The following TNRC6B variants were observed in gnomAD, a reference collection of about 807,000 sequenced individuals.
The protein encoded by TNRC6B is trinucleotide repeat containing adaptor 6B.
Under a neutral mutation model 203.6 loss-of-function variants are expected in TNRC6B, and 52 were observed. That is an observed-to-expected ratio of 0.26 (90% CI 0.20 to 0.32). The LOEUF is 0.32. TNRC6B is among the 10% of genes least tolerant of loss of function. The pLI is 1.00. For missense variants in TNRC6B, 1,923 were observed against 2,286.2 expected, an observed-to-expected ratio of 0.84 and a Z score of 3.24; for synonymous variants, 838 against 845.7, an observed-to-expected ratio of 0.99 and a Z score of 0.16.
At chr22:40,110,369 T>C (rs2146312419) in intron 1 of TNRC6B, among the ~76,000 whole-genome samples, 2 of 152,350 alleles carry the variant, frequency 1.3e-5, no homozygotes, top group South Asian at 4.1e-4. Context: ...CACAGTGCCA[T>C]GTACTTAGTA....
At chr22:40,206,842 G>A (rs1436804037) in intron 1 of TNRC6B, among the ~76,000 whole-genome samples, 1 of 152,138 alleles carries the variant, frequency 6.6e-6, no homozygotes, top group Admixed American at 6.6e-5. Flanking sequence ...GGAAATAATG[G>A]ACTTTTCGAC....
intron 1 of TNRC6B, among the ~76,000 whole-genome samples, chr22:40,240,238 G>T (rs1016641803): frequency 5.3e-5 from 8 of 152,190 alleles, no homozygotes; most frequent in African/African-American, 1.4e-4. Flanking sequence ...CACCTGAGAG[G>T]TTCTCAAGAG....
At chr22:40,263,965 G>A (rs1361168219) in intron 4 of TNRC6B, among the ~76,000 whole-genome samples, 1 of 152,242 alleles carries the variant, frequency 6.6e-6, no homozygotes, top group African/African-American at 2.4e-5. Flanking sequence ...ACAGCACTGA[G>A]CAAAATGGCT....
intron 6 of TNRC6B, among the ~76,000 whole-genome samples, chr22:40,270,931 C>G (rs570016566): frequency 6.6e-6 from 1 of 152,202 alleles, no homozygotes; most frequent in Non-Finnish European, 1.5e-5. Context: ...TAATTTAAAA[C>G]AAGAGTTCCT....
chr22:40,061,471 C>T (rs1197491183), intron 1 of TNRC6B, among the ~76,000 whole-genome samples: 2 of 151,936 alleles, frequency 1.3e-5, no homozygotes, highest in African/African-American at 4.8e-5. Context: ...GATCCACCTG[C>T]CTCGGCCTTC....
chr22:40,282,319 T>TG (rs1401435190), intron 11 of TNRC6B, among the ~76,000 whole-genome samples: 2 of 152,214 alleles, frequency 1.3e-5, no homozygotes, highest in Non-Finnish European at 2.9e-5. Context: ...TTTTAAAAAA[T>TG]GGATTATACT....
chr22:40,168,749 G>T (rs1284604528), intron 4 of TNRC6B, among the ~76,000 whole-genome samples: 4 of 152,052 alleles, frequency 2.6e-5, no homozygotes, highest in Admixed American at 2.6e-4. Flanking sequence ...GCCATGATTT[G>T]GTAGTACCGA....
At chr22:40,146,687 A>G (rs2068698423) in intron 3 of TNRC6B, among the ~76,000 whole-genome samples, 1 of 151,678 alleles carries the variant, frequency 6.6e-6, no homozygotes, top group Non-Finnish European at 1.5e-5. Context: ...AGCCTCCTGA[A>G]TAACTGGGAT....
At chr22:40,118,238 G>T (rs2068409365) in intron 2 of TNRC6B, among the ~76,000 whole-genome samples, 1 of 152,118 alleles carries the variant, frequency 6.6e-6, no homozygotes, top group African/African-American at 2.4e-5. Flanking sequence ...CACTGCTAAG[G>T]TCAAAATACT....
chr22:40,265,290 G>T lies in TNRC6B; in HGVS notation c.1060G>T (p.Gly354Cys). ...REQQSKMENA[G>C]VNFVVSGREQ... is the part of the protein sequence containing the mutation. ...ACAGCAGTCAAAGATGGAAAATGCG[G>T]GTGTTAATTTTGTTGTCTCTGGCAG... The change falls in exon 5 of 23, where the codon GGT (glycine) becomes TGT (cysteine). Residue 354 changes from glycine (G) to cysteine (C), a missense_variant. Coordinates refer to ENST00000454349, the MANE Select transcript of TNRC6B (RefSeq NM_001162501.2). 1 of 1,613,952 alleles carries T rather than the reference G, an allele frequency of 6.2e-7. No individual in the cohort carries two copies. Among genetic ancestry groups the T allele is most frequent in the Non-Finnish European group, 8.5e-7 (1 of 1,179,888 alleles).
Position 40,264,770 on chromosome 22 carries a change from C to T in TNRC6B, c.540C>T (p.Ser180=). ...GAGCCTCCTCCAACAACGGCACCTC[C>T]CCCAACCCAATTCACATCTGGGACA... The part of the protein sequence containing the change: ...GSGASSNNGT[S]PNPIHIWDKV... The change falls in exon 5 of 23, where the codon TCC becomes TCT. Residue 180 remains serine, a synonymous_variant. Transcript: ENST00000454349. 1 of 1,613,774 alleles carries T rather than the reference C, an allele frequency of 6.2e-7. No individual in the cohort carries two copies. The highest frequency in any genetic ancestry group is 8.5e-7 in the Non-Finnish European group (1 of 1,179,798).
At chr22:40,225,757 AAAAAAAAAAAG>A (rs2069776166) in intron 1 of TNRC6B, among the ~76,000 whole-genome samples, 1 of 151,420 alleles carries the variant, frequency 6.6e-6, no homozygotes, top group African/African-American at 2.4e-5. Flanking sequence ...AAAAAAAAAA[AAAAAAAAAAAG>A]AAGGAGAAGA....
chr22:40,311,237 G>A (rs1197743028), intron 17 of TNRC6B, among the ~76,000 whole-genome samples: 2 of 152,178 alleles, frequency 1.3e-5, no homozygotes, highest in Non-Finnish European at 2.9e-5. Flanking sequence ...TGCATAGGAT[G>A]CCTTGTAACA....
At position 40,131,405 on chromosome 22, in the gene TNRC6B, ATT is replaced by A. The variant is rs34219543; in HGVS notation, c.45+5555_45+5556del. Among the ~76,000 whole-genome samples, 85 of 146,840 alleles carry A rather than the reference ATT, an allele frequency of 5.8e-4. 2 individuals carry two copies. Among genetic ancestry groups the A allele is most frequent in the Non-Finnish European group, 3.5e-4 (23 of 66,476 alleles). On this transcript the variant is annotated intron_variant, in intron 3 of 23. Transcript: ENST00000301923. ...AGACTTTGACCTCTTGAGTTTAGGG[ATT>A]TTTTTTTTTTTCTCTGCCAGAAAGA...
Position 40,181,934 on chromosome 22 carries a change from A to G in TNRC6B, c.5+3794A>G, listed in dbSNP as rs1245187706. Among the ~76,000 whole-genome samples the G allele has an allele frequency of 2.4e-5, 3 of 124,452 alleles. No individual in the cohort carries two copies. In the Admixed American group the frequency reaches 2.6e-4, roughly 11 times the overall value. 81.6% of individuals were successfully genotyped at this position (124,452 alleles called of 152,430 possible). On this transcript the variant is annotated intron_variant, in intron 1 of 22. Coordinates refer to ENST00000454349, the MANE Select transcript of TNRC6B (RefSeq NM_001162501.2). ...GCATTCCAGCCTAGGAAACAGCTAG[A>G]CCCTGTCTCGAGAGAAAAAAAAAAA...
intron 1 of TNRC6B, among the ~76,000 whole-genome samples, chr22:40,072,494 A>T (rs557920591): frequency 6.6e-6 from 1 of 152,156 alleles, no homozygotes; most frequent in Non-Finnish European, 1.5e-5. Flanking sequence ...GAAAGTGTAA[A>T]CTTTTGTCTT....
Position 40,264,985 on chromosome 22 carries a change from A to G in TNRC6B, c.755A>G (p.Asn252Ser). The G allele has an allele frequency of 6.2e-7, 1 of 1,613,972 alleles. No homozygotes were observed. Among genetic ancestry groups the G allele is most frequent in the Non-Finnish European group, 8.5e-7 (1 of 1,179,884 alleles). ...GSQCQSASSG[N>S]ECNLGVWKSD... ...CAGTGCCAGTCTGCAAGTTCTGGGA[A>G]CGAATGTAATCTTGGGGTCTGGAAA... is the stretch of plus-strand genomic sequence containing the variant. Residue 252 changes from asparagine (N) to serine (S), a missense_variant, in exon 5 of 23, where the codon AAC (asparagine) becomes AGC (serine). Around this residue, in one of 8 missense-constraint regions of TNRC6B, gnomAD observed 614 missense variants for 587.7 expected, o/e 1.04. Coordinates refer to ENST00000454349, the MANE Select transcript of TNRC6B (RefSeq NM_001162501.2).
chr22:40,243,187 C>T (rs2070056609), intron 1 of TNRC6B, among the ~76,000 whole-genome samples: 2 of 151,920 alleles, frequency 1.3e-5, no homozygotes, highest in South Asian at 4.2e-4. Context: ...TTTAAAGCTC[C>T]CCAAATGGTG....
chr22:40,209,115 T>G (rs1190490100), intron 1 of TNRC6B, among the ~76,000 whole-genome samples: 1 of 152,218 alleles, frequency 6.6e-6, no homozygotes, highest in Non-Finnish European at 1.5e-5. Context: ...GTTTCCCACA[T>G]TAGGTTCTCT....
Sources: gnomAD v4.1 joint callset for allele counts (sites outside exome capture counted in the v4.1 genomes callset) on GRCh38, gnomAD v4.1.1 for gene constraint, gnomAD v4.1.1 regional missense constraint, MANE v1.5 for transcripts, NCBI Gene and HGNC (gene_info 2026-07-23, HGNC 2026-07-21) for gene names.